The following PPP1R2 variants were observed in gnomAD, a reference collection of about 807,000 sequenced individuals.
PPP1R2 encodes the protein protein phosphatase inhibitor 2.
Under a neutral mutation model 29.9 loss-of-function variants are expected in PPP1R2, and 16 were observed. The observed-to-expected ratio is 0.53, with a 90% CI of 0.36 to 0.81. PPP1R2 has a LOEUF of 0.81. Among genes scored for constraint, PPP1R2 ranks in the 30% least tolerant of loss-of-function variants. The probability of loss-of-function intolerance (pLI) is 0.00; values close to 1 mark genes in which losing one functional copy is unlikely to be tolerated. For synonymous variants in PPP1R2, 76 were observed against 91.5 expected, an observed-to-expected ratio of 0.83 and a Z score of 0.96; for missense variants, 197 against 252.7, an observed-to-expected ratio of 0.78 and a Z score of 1.49.
rs559459928 is a variant in PPP1R2, at chr3:195,524,676, A to G, written c.308+143T>C. The G allele has an allele frequency of 1.2e-4, 88 of 715,936 alleles. No individual in the cohort carries two copies. In the African/African-American group the frequency reaches 1.4e-3, roughly 11 times the overall value. 44.3% of individuals were successfully genotyped at this position (715,936 alleles called of 1,614,324 possible). A position where few individuals can be genotyped will look rare whatever the true frequency, so the allele number is the denominator to read the frequency against. On this transcript the variant is annotated intron_variant, in intron 3 of 5. Transcript: ENST00000618156. Reference sequence around the variant, plus strand: ...CTCAGAAGGTGAAAAAAGGGGGAAAAAAGGAAAAAAAAGTCGGCATAAAAC... The same window carrying G: ...CTCAGAAGGTGAAAAAAGGGGGAAAGAAGGAAAAAAAAGTCGGCATAAAAC...
At chr3:195,539,388 T>C (rs1382694699) in intron 1 of PPP1R2, among the ~76,000 whole-genome samples, 4 of 152,206 alleles carry the variant, frequency 2.6e-5, no homozygotes, top group Non-Finnish European at 5.9e-5. Context: ...AAAATTGGTA[T>C]CTGACAAATG....
intron 1 of PPP1R2, among the ~76,000 whole-genome samples, chr3:195,537,889 G>C (rs1360816275): frequency 2.0e-5 from 3 of 152,190 alleles, no homozygotes. Flanking sequence ...AAAAATGCTA[G>C]GAAATCTTCG....
At chr3:195,537,109 TAAA>T (rs1252759053) in intron 1 of PPP1R2, among the ~76,000 whole-genome samples, 5 of 151,950 alleles carry the variant, frequency 3.3e-5, no homozygotes. Flanking sequence ...TATCAAAACA[TAAA>T]AATATATATA....
chr3:195,537,653 AACC>A (rs1214888819), intron 1 of PPP1R2, among the ~76,000 whole-genome samples: 1 of 152,070 alleles, frequency 6.6e-6, no homozygotes, highest in East Asian at 1.9e-4. Flanking sequence ...GATTTATATA[AACC>A]ACATTTTATA....
chr3:195,540,495 T>C (rs1437403325), intron 1 of PPP1R2, among the ~76,000 whole-genome samples: 1 of 152,226 alleles, frequency 6.6e-6, no homozygotes, highest in Non-Finnish European at 1.5e-5. Context: ...TAATAATGTA[T>C]ATTTGGTATG....
chr3:195,541,475 T>TTTG (rs1719595370), intron 1 of PPP1R2, among the ~76,000 whole-genome samples: 2 of 148,564 alleles, frequency 1.3e-5, no homozygotes, highest in African/African-American at 5.0e-5. Flanking sequence ...TTTTTTTTTT[T>TTTG]TTTAAGAGAT....
intron 1 of PPP1R2, among the ~76,000 whole-genome samples, chr3:195,540,368 T>C (rs1010861121): frequency 6.6e-6 from 1 of 152,198 alleles, no homozygotes; most frequent in Non-Finnish European, 1.5e-5. Flanking sequence ...GTGTGTAAAA[T>C]GGCTCCCAAG....
rs772295624 is a variant in PPP1R2 at position 195,543,030 on chromosome 3, G to C, written c.-5C>G. 4 of 1,598,276 alleles carry C rather than the reference G, an allele frequency of 2.5e-6. No individual in the cohort carries two copies. Among genetic ancestry groups the C allele is most frequent in the African/African-American group, 1.3e-5 (1 of 74,628 alleles). ...CGAGGCCGTCGAGGCCGCCATTGCC[G>C]GGCGCTCCGGCTGTCGGCTCAGGGT... On this transcript the variant is annotated 5_prime_UTR_variant, in exon 1 of 6. Transcript: ENST00000618156.
chr3:195,527,946 A>G (rs760889718), intron 2 of PPP1R2: 9 of 329,164 alleles, frequency 2.7e-5, no homozygotes, highest in Middle Eastern at 1.1e-3. Context: ...TCTTTTTAGC[A>G]TGCGTATTTT....
At chr3:195,527,409 C>T (rs1247893538) in intron 2 of PPP1R2, among the ~76,000 whole-genome samples, 1 of 151,880 alleles carries the variant, frequency 6.6e-6, no homozygotes, top group Non-Finnish European at 1.5e-5. Context: ...GAGATCGTGC[C>T]ACTGCTCTCC....
intron 2 of PPP1R2, 81 bp downstream of exon 2, chr3:195,529,713 A>G (rs1719109644): frequency 9.9e-7 from 1 of 1,005,382 alleles, no homozygotes; most frequent in Admixed American, 2.8e-5. Flanking sequence ...AAACAAATTC[A>G]AATAGGCTGT....
At chr3:195,532,898 G>A (rs371929493) in intron 1 of PPP1R2, among the ~76,000 whole-genome samples, 3 of 152,130 alleles carry the variant, frequency 2.0e-5, no homozygotes, top group Admixed American at 6.5e-5. Context: ...AAAATGTAAC[G>A]TTAAAATTTA....
At chr3:195,522,448 G>C (rs1718797206) in intron 4 of PPP1R2, among the ~76,000 whole-genome samples, 1 of 152,184 alleles carries the variant, frequency 6.6e-6, no homozygotes, top group African/African-American at 2.4e-5. Context: ...CCCCCTGCTG[G>C]TTGACTCATG....
rs1236526318 is a variant in PPP1R2 at position 195,515,955 on chromosome 3, A to G, written c.*941T>C. On this transcript the variant is annotated 3_prime_UTR_variant, in exon 6 of 6. Coordinates refer to ENST00000618156, the MANE Select transcript of PPP1R2 (RefSeq NM_006241.8). ...GAATTCATAGGCATTGATGGTCAAA[A>G]TAAGAATTTCAACATAGCAGCAAAT... The G allele has an allele frequency of 1.3e-5, 2 of 152,168 alleles. No individual in the cohort carries two copies. Among genetic ancestry groups the G allele is most frequent in the African/African-American group, 4.8e-5 (2 of 41,456 alleles). The allele number at this position is 152,168 out of a possible 1,614,324, so 9.4% of individuals were successfully genotyped here. A position where few individuals can be genotyped will look rare whatever the true frequency, so the allele number is the denominator to read the frequency against.
At chr3:195,537,731 G>C (rs1456353529) in intron 1 of PPP1R2, among the ~76,000 whole-genome samples, 1 of 151,714 alleles carries the variant, frequency 6.6e-6, no homozygotes, top group Non-Finnish European at 1.5e-5. Context: ...GAAATTTTAA[G>C]TTCTAAATAT....
intron 2 of PPP1R2, chr3:195,528,645 T>A (rs1719062375): frequency 6.7e-6 from 1 of 150,180 alleles, no homozygotes; most frequent in Non-Finnish European, 1.5e-5. Context: ...AATGACAAAA[T>A]ATTTTAATCT....
chr3:195,536,034 A>G (rs982714986), intron 1 of PPP1R2, among the ~76,000 whole-genome samples: 1 of 152,084 alleles, frequency 6.6e-6, no homozygotes, highest in South Asian at 2.1e-4. Context: ...CGATTTTAAC[A>G]TTTTCTTTTC....
At chr3:195,518,265 A>G (rs1718621942) in intron 5 of PPP1R2, among the ~76,000 whole-genome samples, 1 of 152,224 alleles carries the variant, frequency 6.6e-6, no homozygotes, top group Non-Finnish European at 1.5e-5. Context: ...ACAGTTAAAT[A>G]ACTTGTCAAT....
chr3:195,530,925 C>T (rs533810352), intron 1 of PPP1R2, among the ~76,000 whole-genome samples: 12 of 152,136 alleles, frequency 7.9e-5, no homozygotes, highest in East Asian at 1.9e-4. Context: ...TGGGTTCAAG[C>T]GATTCTCCTG....
Sources: allele counts gnomAD v4.1 joint callset (sites outside exome capture counted in the v4.1 genomes callset), GRCh38; gene constraint gnomAD v4.1.1; transcripts MANE v1.5; gene names NCBI Gene and HGNC (gene_info 2026-07-23, HGNC 2026-07-21).